The following ANKRD11 variants were observed in gnomAD, a reference collection of about 807,000 sequenced individuals.
ANKRD11 encodes the protein ankyrin repeat domain-containing protein 11.
In ANKRD11, 17 loss-of-function variants were observed where a neutral mutation model predicts 195.7. The observed-to-expected ratio is 0.09, with a 90% CI of 0.06 to 0.13. The LOEUF is 0.13. Among genes scored for constraint, ANKRD11 ranks in the 10% least tolerant of loss-of-function variants. The probability of loss-of-function intolerance (pLI) is 1.00; values close to 1 mark genes in which losing one functional copy is unlikely to be tolerated. For synonymous variants in ANKRD11, 1,953 were observed against 1,528.1 expected, an observed-to-expected ratio of 1.28 and a Z score of -6.49; for missense variants, 3,735 against 3,566.1, an observed-to-expected ratio of 1.05 and a Z score of -1.21.
At chr16:89,457,239 G>GT (rs1017921542) in intron 1 of ANKRD11, among the ~76,000 whole-genome samples, 3 of 151,048 alleles carry the variant, frequency 2.0e-5, no homozygotes, top group Non-Finnish European at 3.0e-5. Flanking sequence ...GATTACAGGC[G>GT]TGAGCCACCG....
chr16:89,334,144 T>TAAAAAAAAAAAAAAAAA lies in ANKRD11; in HGVS notation c.-59-17083_-59-17067dup, dbSNP rs869142504. ...GGTAACATGATGAAACCCTGTGTTT[T>TAAAAAAAAAAAAAAAAA]AAAAAAAAAAAAAAAAAAAAAAAAA... On this transcript the variant is annotated intron_variant, in intron 2 of 12. Transcript: ENST00000301030. Among the ~76,000 whole-genome samples, 9 of 41,414 alleles carry TAAAAAAAAAAAAAAAAA rather than the reference T, an allele frequency of 2.2e-4. 2 individuals carry two copies. Among genetic ancestry groups the TAAAAAAAAAAAAAAAAA allele is most frequent in the South Asian group, 9.5e-4 (1 of 1,054 alleles). 27.2% of individuals were successfully genotyped at this position (41,414 alleles called of 152,430 possible).
At chr16:89,322,580 G>C (rs1473686876) in intron 2 of ANKRD11, among the ~76,000 whole-genome samples, 1 of 152,076 alleles carries the variant, frequency 6.6e-6, no homozygotes, top group Non-Finnish European at 1.5e-5. Context: ...AGCTCTCCCA[G>C]AACCTTCAAT....
chr16:89,360,934 C>T (rs1053360526), intron 2 of ANKRD11, among the ~76,000 whole-genome samples: 5 of 152,026 alleles, frequency 3.3e-5, no homozygotes, highest in South Asian at 2.1e-4. Flanking sequence ...GAGCCTGTGT[C>T]GGGACTTGGC....
chr16:89,352,401 C>T (rs964512578), intron 2 of ANKRD11, among the ~76,000 whole-genome samples: 4 of 151,474 alleles, frequency 2.6e-5, no homozygotes, highest in African/African-American at 9.7e-5. Context: ...AGCAGAAGGC[C>T]ACAGTGACGC....
chr16:89,457,003 A>G (rs1310683770), intron 1 of ANKRD11, among the ~76,000 whole-genome samples: 1 of 136,266 alleles, frequency 7.3e-6, no homozygotes, highest in Non-Finnish European at 1.5e-5. Flanking sequence ...TCTGTCGCCC[A>G]GGCTGGAGTG....
chr16:89,397,988 A>C (rs999543980), intron 2 of ANKRD11, among the ~76,000 whole-genome samples: 14 of 152,264 alleles, frequency 9.2e-5, no homozygotes, highest in African/African-American at 3.1e-4. Context: ...CACCAAAAAC[A>C]ACCACAAAGC....
At chr16:89,358,142 A>T (rs989920263) in intron 2 of ANKRD11, among the ~76,000 whole-genome samples, 1 of 152,210 alleles carries the variant, frequency 6.6e-6, no homozygotes, top group African/African-American at 2.4e-5. Flanking sequence ...GTGGCTGGAG[A>T]TGCTGCACCC....
chr16:89,275,663 T>C (rs2033591167), intron 9 of ANKRD11, among the ~76,000 whole-genome samples: 1 of 152,152 alleles, frequency 6.6e-6, no homozygotes, highest in African/African-American at 2.4e-5. Flanking sequence ...GAGCCGGTGG[T>C]CTTGCAGTGG....
At chr16:89,364,388 G>A (rs889030633) in intron 2 of ANKRD11, among the ~76,000 whole-genome samples, 5 of 152,160 alleles carry the variant, frequency 3.3e-5, no homozygotes, top group Non-Finnish European at 7.3e-5. Flanking sequence ...GTCTTACACC[G>A]CAATAGGTAA....
At chr16:89,326,348 G>A (rs2037716485) in intron 2 of ANKRD11, among the ~76,000 whole-genome samples, 1 of 152,066 alleles carries the variant, frequency 6.6e-6, no homozygotes, top group African/African-American at 2.4e-5. Context: ...ATGCAGAGGA[G>A]GACGGTCTGC....
chr16:89,327,834 G>A lies in ANKRD11; in HGVS notation c.-59-10756C>T, dbSNP rs115111017. Among the ~76,000 whole-genome samples, 1,447 of 152,266 alleles carry A rather than the reference G, an allele frequency of 9.5e-3. 35 individuals are homozygous for A. Among genetic ancestry groups the A allele is most frequent in the African/African-American group, 0.032 (1,349 of 41,548 alleles). ...AAATCTTTAGGACCTAGGGCCAAGA[G>A]TTGTCAGACATGGCAACAAAAGCAC... On this transcript the variant is annotated intron_variant, in intron 2 of 12. Transcript: ENST00000301030.
intron 3 of ANKRD11, among the ~76,000 whole-genome samples, chr16:89,314,455 C>T (rs1480009010): frequency 2.0e-5 from 3 of 152,156 alleles, no homozygotes; most frequent in African/African-American, 4.8e-5. Context: ...AGCAGCTGAG[C>T]GCACACATCA....
At chr16:89,339,214 A>G (rs980921747) in intron 2 of ANKRD11, among the ~76,000 whole-genome samples, 8 of 152,264 alleles carry the variant, frequency 5.3e-5, no homozygotes, top group African/African-American at 1.9e-4. Context: ...TTTTCAGTCC[A>G]TTATCACAAT....
At chr16:89,315,332 G>A (rs72803332) in intron 3 of ANKRD11, among the ~76,000 whole-genome samples, 10 of 152,260 alleles carry the variant, frequency 6.6e-5, no homozygotes, top group Non-Finnish European at 1.0e-4. Flanking sequence ...AGGCCAGGGC[G>A]GCGACGTGAA....
chr16:89,436,391 G>T (rs149420206), intron 1 of ANKRD11, among the ~76,000 whole-genome samples: 19 of 150,160 alleles, frequency 1.3e-4, no homozygotes, highest in African/African-American at 3.9e-4. Context: ...CTCCAGCCTG[G>T]GCAACAGAGT....
intron 2 of ANKRD11, among the ~76,000 whole-genome samples, chr16:89,330,496 C>G (rs990553558): frequency 1.6e-4 from 25 of 152,084 alleles, no homozygotes; most frequent in Admixed American, 5.2e-4. Flanking sequence ...GTCCGTGGGG[C>G]TACGTGAGGG....
intron 4 of ANKRD11, among the ~76,000 whole-genome samples, chr16:89,297,022 G>C (rs189072138): frequency 1.3e-5 from 2 of 152,120 alleles, no homozygotes; most frequent in East Asian, 1.9e-4. Flanking sequence ...CAAGCTTTCC[G>C]TGGGGTCTGG....
intron 1 of ANKRD11, among the ~76,000 whole-genome samples, chr16:89,435,898 C>T (rs1222973815): frequency 3.3e-5 from 5 of 151,918 alleles, no homozygotes; most frequent in African/African-American, 1.2e-4. Context: ...GCATTCAGTT[C>T]AATGTGCTGG....
intron 2 of ANKRD11, among the ~76,000 whole-genome samples, chr16:89,334,861 T>C (rs890492092): frequency 8.6e-5 from 13 of 152,016 alleles, no homozygotes; most frequent in Admixed American, 6.5e-4. Context: ...GACAGCACAC[T>C]GGATTCGAAG....
Sources: allele counts gnomAD v4.1 joint callset (sites outside exome capture counted in the v4.1 genomes callset), GRCh38; gene constraint gnomAD v4.1.1; transcripts MANE v1.5; gene names NCBI Gene and HGNC (gene_info 2026-07-23, HGNC 2026-07-21).